The following LRBA variants were observed in gnomAD, a reference collection of about 807,000 sequenced individuals.
LRBA encodes lipopolysaccharide-responsive and beige-like anchor protein.
Under a neutral mutation model 330.0 loss-of-function variants are expected in LRBA, and 176 were observed. The observed-to-expected ratio is 0.53, with a 90% confidence interval of 0.47 to 0.60. LRBA has a LOEUF of 0.60. LRBA is among the 20% of genes least tolerant of loss of function. The pLI, the probability that LRBA is intolerant of heterozygous loss-of-function variation, is 0.00. For missense variants in LRBA, 3,259 were observed against 3,444.8 expected (o/e 0.95, Z 1.35); for synonymous variants, 1,230 against 1,193.0 (o/e 1.03, Z -0.64).
At chr4:150,315,723 T>C in intron 50 of LRBA, 100 bp from the exon 51 acceptor site, 1 of 723,838 alleles carries the variant, frequency 1.4e-6, no homozygotes, top group South Asian at 2.0e-5. Flanking sequence ...GTTTCCAATC[T>C]CTAAATCTTT....
chr4:150,755,801 C>G (rs1351192395), intron 35 of LRBA, among the ~76,000 whole-genome samples: 1 of 151,658 alleles, frequency 6.6e-6, no homozygotes. Context: ...AATCCCAGCA[C>G]TTTGGGAGGC....
chr4:150,503,388 A>C (rs1760570823), intron 40 of LRBA, among the ~76,000 whole-genome samples: 1 of 152,194 alleles, frequency 6.6e-6, no homozygotes. Context: ...CAGCATTGGC[A>C]GTTCACCAAT....
chr4:150,278,043 A>G, intron 55 of LRBA, 39 bp from the exon 56 acceptor site: 3 of 1,599,196 alleles, frequency 1.9e-6, no homozygotes, highest in Non-Finnish European at 2.6e-6. Flanking sequence ...ATGTGGTTCT[A>G]GGAAACTTTC....
At chr4:150,876,150 C>T (rs1220832953) in intron 17 of LRBA, among the ~76,000 whole-genome samples, 7 of 152,076 alleles carry the variant, frequency 4.6e-5, no homozygotes, top group African/African-American at 1.7e-4. Flanking sequence ...GAAGACCGAT[C>T]TTTCAAATTT....
At chr4:150,670,459 T>A (rs543228300) in intron 37 of LRBA, among the ~76,000 whole-genome samples, 31 of 152,240 alleles carry the variant, frequency 2.0e-4, no homozygotes, top group Non-Finnish European at 3.5e-4. Flanking sequence ...CATTTTTGAG[T>A]ACTTCCTTAC....
intron 30 of LRBA, 133 bp from the exon 31 acceptor site, chr4:150,817,390 T>A (rs1384029554): frequency 1.3e-6 from 1 of 768,782 alleles, no homozygotes. Context: ...TGATGTACAA[T>A]TTAGACTTTT....
At chr4:150,870,776 C>T (rs1311154635) in intron 19 of LRBA, among the ~76,000 whole-genome samples, 170 bp from the exon 20 acceptor site, 1 of 152,114 alleles carries the variant, frequency 6.6e-6, no homozygotes, top group Non-Finnish European at 1.5e-5. Context: ...AAAATAACTA[C>T]AGCATTATTA....
chr4:150,742,931 C>T (rs1732214813), intron 35 of LRBA, among the ~76,000 whole-genome samples: 1 of 152,014 alleles, frequency 6.6e-6, no homozygotes, highest in Non-Finnish European at 1.5e-5. Flanking sequence ...AAAAAAAGAG[C>T]AAACATAAAC....
intron 40 of LRBA, among the ~76,000 whole-genome samples, chr4:150,549,258 T>C (rs1349909098): frequency 6.6e-6 from 1 of 151,996 alleles, no homozygotes; most frequent in East Asian, 1.9e-4. Flanking sequence ...TGATTTCTAT[T>C]TGTATATTTT....
chr4:150,903,495 T>C (rs191391534), intron 13 of LRBA, among the ~76,000 whole-genome samples: 71 of 152,204 alleles, frequency 4.7e-4, no homozygotes, highest in African/African-American at 1.6e-3. Flanking sequence ...CCCAGCACTC[T>C]TGGGGGGCTG....
intron 2 of LRBA, among the ~76,000 whole-genome samples, chr4:151,006,871 T>C (rs2149665134): frequency 6.6e-6 from 1 of 152,310 alleles, no homozygotes; most frequent in African/African-American, 2.4e-5. Context: ...TTATCATTAA[T>C]ATTAATATAT....
chr4:150,744,538 G>A (rs1440018740), intron 35 of LRBA, among the ~76,000 whole-genome samples: 1 of 152,162 alleles, frequency 6.6e-6, no homozygotes, highest in Non-Finnish European at 1.5e-5. Flanking sequence ...TAAATCTTCT[G>A]AGTGCTAATT....
chr4:150,761,492 A>G (rs912064831), intron 35 of LRBA, among the ~76,000 whole-genome samples: 1 of 152,126 alleles, frequency 6.6e-6, no homozygotes, highest in African/African-American at 2.4e-5. Context: ...AGAAAGTCCA[A>G]ATAAGTATGG....
intron 40 of LRBA, among the ~76,000 whole-genome samples, chr4:150,544,723 C>T (rs1765679422): frequency 6.6e-6 from 1 of 152,196 alleles, no homozygotes; most frequent in Non-Finnish European, 1.5e-5. Flanking sequence ...AAGGTCTAAA[C>T]ATATGGGCCT....
At chr4:150,701,219 T>C (rs967237854) in intron 36 of LRBA, among the ~76,000 whole-genome samples, 1 of 152,116 alleles carries the variant, frequency 6.6e-6, no homozygotes, top group Non-Finnish European at 1.5e-5. Context: ...GTAACATGCA[T>C]GGAGCTCTCA....
chr4:150,491,121 C>T (rs1353276694), intron 40 of LRBA, 86 bp from the exon 41 acceptor site: 4 of 550,314 alleles, frequency 7.3e-6, no homozygotes, highest in Non-Finnish European at 1.3e-5. Context: ...AGAAAAGACC[C>T]TATTAAGAAA....
chr4:150,465,139 T>C (rs1209419750), intron 44 of LRBA, among the ~76,000 whole-genome samples: 5 of 152,136 alleles, frequency 3.3e-5, no homozygotes, highest in Non-Finnish European at 7.4e-5. Flanking sequence ...CTCATATGAA[T>C]GGAATCATAC....
intron 35 of LRBA, among the ~76,000 whole-genome samples, chr4:150,755,493 A>C (rs1161247839): frequency 6.6e-6 from 1 of 152,212 alleles, no homozygotes; most frequent in Non-Finnish European, 1.5e-5. Flanking sequence ...TAAATTAAAC[A>C]CAAAACTATA....
chr4:150,641,609 G>A (rs894772558), intron 37 of LRBA, among the ~76,000 whole-genome samples: 6 of 152,132 alleles, frequency 3.9e-5, no homozygotes, highest in Non-Finnish European at 5.9e-5. Flanking sequence ...GCAGCAAAAA[G>A]ATTAAAAACA....
Sources: gnomAD v4.1 joint callset for allele counts (sites outside exome capture counted in the v4.1 genomes callset) on GRCh38, gnomAD v4.1.1 for gene constraint, MANE v1.5 for transcripts, NCBI Gene and HGNC (gene_info 2026-07-23, HGNC 2026-07-21) for gene names.